ZC3H3: variants seen among roughly 807,000 people sequenced by gnomAD.
ZC3H3 encodes zinc finger CCCH-type containing 3.
Under a neutral mutation model 77.3 loss-of-function variants are expected in ZC3H3, and 36 were observed. The observed-to-expected ratio is 0.47, with a 90% confidence interval of 0.36 to 0.61. ZC3H3 has a LOEUF of 0.61. Ranked by LOEUF, ZC3H3 falls within the 20% of genes least tolerant of loss-of-function variation. The probability of loss-of-function intolerance (pLI) is 0.00; values close to 1 mark genes in which losing one functional copy is unlikely to be tolerated. For missense variants in ZC3H3, 1,331 were observed against 1,312.2 expected, an observed-to-expected ratio of 1.01 and a Z score of -0.22; for synonymous variants, 626 against 555.2, an observed-to-expected ratio of 1.13 and a Z score of -1.79.
intron 3 of ZC3H3, among the ~76,000 whole-genome samples, chr8:143,509,027 C>G (rs753606316): frequency 3.3e-5 from 5 of 152,190 alleles, no homozygotes; most frequent in Non-Finnish European, 5.9e-5. Context: ...CTCGCTCACT[C>G]TCCTGCCCAC....
At chr8:143,499,587 A>G (rs977426895) in intron 4 of ZC3H3, among the ~76,000 whole-genome samples, 2 of 151,882 alleles carry the variant, frequency 1.3e-5, no homozygotes, top group Non-Finnish European at 2.9e-5. Flanking sequence ...CGACAATGCT[A>G]TCATTCTTCA....
intron 3 of ZC3H3, among the ~76,000 whole-genome samples, chr8:143,531,953 C>A (rs1429274967): frequency 6.6e-6 from 1 of 152,216 alleles, no homozygotes; most frequent in African/African-American, 2.4e-5. Flanking sequence ...ATGAATAAAG[C>A]TTAATGTTGA....
chr8:143,490,626 T>C lies in ZC3H3; in HGVS notation c.1716-15041A>G, dbSNP rs147928512. Among the ~76,000 whole-genome samples, 421 of 152,328 alleles carry C rather than the reference T, an allele frequency of 2.8e-3. 2 individuals are homozygous for C. Among genetic ancestry groups the C allele is most frequent in the Non-Finnish European group, 3.8e-3 (258 of 68,022 alleles). ...GATATATTCGAGAAGTTAAATAAGA[T>C]ACTGATGGCCGGGTGCAGTGGCTCA... On this transcript the variant is annotated intron_variant, in intron 4 of 11. Coordinates refer to ENST00000262577, the MANE Select transcript of ZC3H3 (RefSeq NM_015117.3).
In ZC3H3 at chr8:143,493,439, C is replaced by G. The variant is rs972842250; in HGVS notation, c.1715+14307G>C. ...CTCCCTCTTCCCTACCCCAAACCAC[C>G]AAGGCCGAGGCTGCAGGAGGGGTCT... On this transcript the variant is annotated intron_variant, in intron 4 of 11. Transcript: ENST00000262577. The surrounding 1 kb of genome is among the most constrained non-coding windows in gnomAD (Gnocchi z 4.8). 1.3e-5 allele frequency among the ~76,000 whole-genome samples: 2 copies of G among 152,214 alleles called. No homozygotes were observed. The highest frequency in any genetic ancestry group is 4.8e-5 in the African/African-American group (2 of 41,454).
chr8:143,441,800 C>T (rs1586869182), intron 9 of ZC3H3, among the ~76,000 whole-genome samples: 1 of 152,302 alleles, frequency 6.6e-6, no homozygotes, highest in East Asian at 1.9e-4. Flanking sequence ...CTCTGCCCAC[C>T]CCTCCCGGGC....
intron 2 of ZC3H3, 148 bp from the exon 3 acceptor site, chr8:143,536,601 A>T: frequency 1.2e-6 from 1 of 829,350 alleles, no homozygotes; most frequent in Non-Finnish European, 1.8e-6. Context: ...TGCCTCCCTC[A>T]GCCCATGGCG....
At chr8:143,455,597 A>G (rs1034701787) in intron 9 of ZC3H3, among the ~76,000 whole-genome samples, 14 of 152,208 alleles carry the variant, frequency 9.2e-5, no homozygotes, top group Non-Finnish European at 1.8e-4. Flanking sequence ...AAGAAAGAAA[A>G]AAAGAAATTA....
At chr8:143,478,098 C>T (rs543846942) in intron 4 of ZC3H3, among the ~76,000 whole-genome samples, 9 of 152,186 alleles carry the variant, frequency 5.9e-5, no homozygotes, top group African/African-American at 9.6e-5. Context: ...GCAGGAAGGA[C>T]GAGCAGGCAA....
intron 5 of ZC3H3, among the ~76,000 whole-genome samples, chr8:143,474,878 A>C (rs1269694799): frequency 6.6e-6 from 1 of 152,186 alleles, no homozygotes; most frequent in Non-Finnish European, 1.5e-5. Context: ...CTGCCTCCAG[A>C]CACAGTTGTC....
intron 4 of ZC3H3, among the ~76,000 whole-genome samples, chr8:143,491,901 C>G (rs188588548): frequency 6.2e-4 from 94 of 152,308 alleles, no homozygotes; most frequent in African/African-American, 2.2e-3. Flanking sequence ...CTCCTTTTGG[C>G]CTCCCTCTTT....
chr8:143,458,318 C>A (rs392113), intron 9 of ZC3H3, among the ~76,000 whole-genome samples: 1 of 152,174 alleles, frequency 6.6e-6, no homozygotes, highest in Admixed American at 6.5e-5. Flanking sequence ...AGCGAGGAGA[C>A]TGAGTCAGTA....
chr8:143,509,684 A>G (rs1303903660), intron 3 of ZC3H3, among the ~76,000 whole-genome samples: 1 of 152,194 alleles, frequency 6.6e-6, no homozygotes, highest in Admixed American at 6.5e-5. Flanking sequence ...AAGCTAGGGT[A>G]CAGTCCTGCT....
intron 3 of ZC3H3, among the ~76,000 whole-genome samples, chr8:143,508,566 C>T (rs1211383903): frequency 6.6e-6 from 1 of 152,210 alleles, no homozygotes; most frequent in African/African-American, 2.4e-5. Context: ...GGCAATTTAC[C>T]CACAGCTTCG....
chr8:143,512,903 G>A (rs760219591), intron 3 of ZC3H3, among the ~76,000 whole-genome samples: 19 of 152,352 alleles, frequency 1.2e-4, no homozygotes, highest in Admixed American at 7.8e-4. Flanking sequence ...GCAGGACCCC[G>A]GGAAGTGCCC....
rs753284912 is a variant in ZC3H3, at chr8:143,538,356, C to T, written c.1011G>A (p.Val337=). The T allele has an allele frequency of 1.9e-6, 3 of 1,613,060 alleles. No homozygotes were observed. The highest frequency in any genetic ancestry group is 2.5e-6 in the Non-Finnish European group (3 of 1,180,040). Residue 337 remains valine (V), a synonymous_variant, in exon 2 of 12, where the codon GTG becomes GTA. Transcript: ENST00000262577. ...ALSPRVAAEN[V]CKASAGMANK... is the part of the protein sequence containing the mutation. ...TTGCCATGCCAGCAGAGGCCTTGCA[C>T]ACATTCTCTGCAGCCACTCTGGGAC... is the stretch of plus-strand genomic sequence containing the variant.
At chr8:143,475,361 G>A (rs368841945) in intron 5 of ZC3H3, 37 bp downstream of exon 5, 108 of 1,592,078 alleles carry the variant, frequency 6.8e-5, no homozygotes, top group Middle Eastern at 1.7e-4. Flanking sequence ...CTAGCCGGTC[G>A]GTGTCATCTC....
intron 3 of ZC3H3, among the ~76,000 whole-genome samples, chr8:143,532,005 G>A (rs751407176): frequency 6.6e-6 from 1 of 152,240 alleles, no homozygotes; most frequent in Non-Finnish European, 1.5e-5. Flanking sequence ...GATTGAACGC[G>A]GCAATTACGC....
At chr8:143,482,473 GGGA>G (rs1202087218) in intron 4 of ZC3H3, among the ~76,000 whole-genome samples, 2 of 152,202 alleles carry the variant, frequency 1.3e-5, no homozygotes, top group Non-Finnish European at 2.9e-5. Flanking sequence ...GAGGTCCTAA[GGGA>G]GGAGTGTGGG....
At chr8:143,468,893 T>C (rs1820487402) in intron 5 of ZC3H3, among the ~76,000 whole-genome samples, 1 of 152,164 alleles carries the variant, frequency 6.6e-6, no homozygotes. Flanking sequence ...GGGCCCTGTG[T>C]CTAGCTCCTC....
Sources: allele counts gnomAD v4.1 joint callset (sites outside exome capture counted in the v4.1 genomes callset), GRCh38; gene constraint gnomAD v4.1.1; non-coding constraint Gnocchi (gnomAD v3.1); transcripts MANE v1.5; gene names NCBI Gene and HGNC (gene_info 2026-07-23, HGNC 2026-07-21).